PLB1: variants seen among roughly 807,000 people sequenced by gnomAD.
The protein encoded by PLB1 is phospholipase B1, also known as phospholipase B1, membrane-associated.
A neutral mutation model predicts 227.4 loss-of-function variants in PLB1; 242 were observed. The observed-to-expected ratio is 1.06, with a 90% CI of 0.96 to 1.18. The LOEUF (loss-of-function observed/expected upper bound fraction) is 1.18. PLB1 is among the 50% of genes most tolerant of loss of function. PLB1 has a pLI of 0.00. For synonymous variants in PLB1, 757 were observed against 682.2 expected, an observed-to-expected ratio of 1.11 and a Z score of -1.71; for missense variants, 1,858 against 1,816.3, an observed-to-expected ratio of 1.02 and a Z score of -0.42.
chr2:28,601,206 C>A, intron 36 of PLB1, 46 bp from the exon 37 acceptor site: 3 of 1,496,150 alleles, frequency 2.0e-6, no homozygotes, highest in Non-Finnish European at 2.8e-6. Flanking sequence ...GGGATATTTT[C>A]ATTTCCTTGT....
intron 38 of PLB1, 87 bp downstream of exon 38, chr2:28,602,051 C>G: frequency 7.7e-7 from 1 of 1,298,126 alleles, no homozygotes; most frequent in South Asian, 1.2e-5. Context: ...AGAAGAACCC[C>G]TTTCTCTCAA....
At chr2:28,537,658 CA>C (rs771254945) in intron 9 of PLB1, among the ~76,000 whole-genome samples, 17,069 of 56,394 alleles carry the variant, frequency 0.3, 627 homozygotes, top group East Asian at 0.45. Flanking sequence ...GACTCCATCT[CA>C]AAAAAAAAAA....
chr2:28,560,571 A>T (rs1675897630), intron 17 of PLB1, among the ~76,000 whole-genome samples: 1 of 152,146 alleles, frequency 6.6e-6, no homozygotes, highest in Admixed American at 6.5e-5. Flanking sequence ...GCTTGAGCCC[A>T]GGAGGCCGAG....
At chr2:28,567,267 G>T (rs1677123413) in intron 20 of PLB1, among the ~76,000 whole-genome samples, 1 of 152,144 alleles carries the variant, frequency 6.6e-6, no homozygotes, top group Non-Finnish European at 1.5e-5. Context: ...GATCACCCCC[G>T]CGAGAGGCAT....
Position 28,497,910 on chromosome 2 carries a change from G to GA in PLB1, c.55+1741_55+1742insA, listed in dbSNP as rs777927503. 5.9e-3 allele frequency among the ~76,000 whole-genome samples: 879 copies of GA among 148,946 alleles called. 5 individuals carry two copies. The highest frequency in any genetic ancestry group is 7.3e-3 in the Non-Finnish European group (485 of 66,352). On this transcript the variant is annotated intron_variant, in intron 1 of 57. Transcript: ENST00000327757. ...ATTTTTGTATTTTTAGTAGAGACAG[G>GA]GTTTCACCATGTTGGCCAGGCTGGT... is the stretch of plus-strand genomic sequence containing the variant.
chr2:28,500,163 CAG>C (rs762506430), intron 1 of PLB1, among the ~76,000 whole-genome samples: 81 of 152,174 alleles, frequency 5.3e-4, no homozygotes, highest in Admixed American at 1.6e-3. Flanking sequence ...TTAGATTTAT[CAG>C]AGACCACACG....
At chr2:28,609,367 T>C (rs1020387803) in intron 43 of PLB1, among the ~76,000 whole-genome samples, 15 of 152,140 alleles carry the variant, frequency 9.9e-5, no homozygotes, top group Admixed American at 9.8e-4. Flanking sequence ...CCTCTATTTC[T>C]GACCTTTAAA....
rs1042252128 is a variant in PLB1 at position 28,541,785 on chromosome 2, T to G, written c.853T>G (p.Tyr285Asp). The G allele has an allele frequency of 1.2e-6, 2 of 1,613,554 alleles. No individual in the cohort carries two copies. Among genetic ancestry groups the G allele is most frequent in the African/African-American group, 1.3e-5 (1 of 74,840 alleles). The change falls in exon 13 of 58, where the codon TAT (tyrosine) becomes GAT (aspartate). Residue 285 changes from tyrosine to aspartate, a missense_variant. Tyr to Asp is a radical substitution (Grantham distance 160, BLOSUM62 -3). Coordinates refer to ENST00000327757, the MANE Select transcript of PLB1 (RefSeq NM_153021.5). ...CACCGTGGTTTTCCAGCCTTTCTTC[T>G]ATGAGACCACCCCATCTCTACACTC... is the stretch of plus-strand genomic sequence containing the variant. Reference protein sequence around the residue: ...SFTVVFQPFFYETTPSLHSED... With the variant: ...SFTVVFQPFFDETTPSLHSED...
chr2:28,529,165 A>C (rs1360516045), intron 6 of PLB1, 152 bp from the exon 7 acceptor site: 5 of 608,726 alleles, frequency 8.2e-6, no homozygotes, highest in Non-Finnish European at 1.2e-5. Context: ...GCCTGGTCTC[A>C]AACTCTTGGG....
intron 20 of PLB1, among the ~76,000 whole-genome samples, chr2:28,569,962 T>C (rs1573041528): frequency 1.4e-5 from 1 of 73,572 alleles, no homozygotes; most frequent in Admixed American, 2.0e-4. Flanking sequence ...CGAGACTCCA[T>C]CTCAAAAAAA....
rs142737802 is a variant in PLB1, at chr2:28,500,816, G to A, written c.55+4647G>A. Among the ~76,000 whole-genome samples the A allele has an allele frequency of 1.5e-4, 23 of 152,242 alleles. No homozygotes were observed. The East Asian group carries it at 4.4e-3, about 29-fold the overall frequency. On this transcript the variant is annotated intron_variant, in intron 1 of 57. Transcript: ENST00000327757. Reference sequence around the variant, plus strand: ...TATTAATCTGTGTGTTGTAATCCAGGCCTGTTATTTTTCATTTTGATGCCA... The same window carrying A: ...TATTAATCTGTGTGTTGTAATCCAGACCTGTTATTTTTCATTTTGATGCCA...
chr2:28,592,721 T>C lies in PLB1; in HGVS notation c.2247+2T>C, dbSNP rs150481495. ...GCTGCTCTGGGGGATTCTCTGACCGTAAGGACTCTTGGGCCCCAGGTGGTT... is the reference window on the plus strand; with the variant it reads ...GCTGCTCTGGGGGATTCTCTGACCGCAAGGACTCTTGGGCCCCAGGTGGTT... On this transcript the variant is annotated splice_donor_variant, in intron 32 of 57. Coordinates refer to ENST00000327757, the MANE Select transcript of PLB1 (RefSeq NM_153021.5). LOFTEE classifies it high-confidence loss of function. 22 of 1,613,834 alleles carry C rather than the reference T, an allele frequency of 1.4e-5. No homozygotes were observed. Among genetic ancestry groups the C allele is most frequent in the Non-Finnish European group, 1.8e-5 (21 of 1,179,906 alleles).
intron 17 of PLB1, among the ~76,000 whole-genome samples, chr2:28,554,489 C>CTTTTTTTTT (rs536476788): frequency 0.039 from 3,272 of 84,844 alleles, 356 homozygotes; most frequent in Non-Finnish European, 0.055. Context: ...CCACACCTGC[C>CTTTTTTTTT]TTTTTTTTTT....
intron 56 of PLB1, among the ~76,000 whole-genome samples, chr2:28,640,285 G>A (rs560156058): frequency 6.6e-5 from 10 of 152,270 alleles, no homozygotes; most frequent in Middle Eastern, 3.4e-3. Flanking sequence ...AAAAGGTGCC[G>A]GGGAGGGGGA....
At chr2:28,530,693 A>G (rs912621342) in intron 8 of PLB1, among the ~76,000 whole-genome samples, 1 of 152,264 alleles carries the variant, frequency 6.6e-6, no homozygotes, top group African/African-American at 2.4e-5. Context: ...AAGCCTTGCT[A>G]GCAAACTGTA....
chr2:28,578,119 C>A lies in PLB1; in HGVS notation c.1446C>A (p.Val482=), dbSNP rs149442978. ...VAGGRAEDLP[V]QARRLVDLMK... The stretch of plus-strand genomic sequence containing the variant: ...TATGTTTCCACAGGGATCTACCTGT[C>A]CAGGCCAGGAGGCTGGTGGACCTGA... The change falls in exon 22 of 58, where the codon GTC becomes GTA. Residue 482 remains valine, a synonymous_variant. Coordinates refer to ENST00000327757, the MANE Select transcript of PLB1 (RefSeq NM_153021.5). 34 of 1,614,144 alleles carry A rather than the reference C, an allele frequency of 2.1e-5. No individual in the cohort carries two copies. Among genetic ancestry groups the A allele is most frequent in the Middle Eastern group, 1.6e-4 (1 of 6,062 alleles).
chr2:28,574,778 C>T (rs922874629), intron 21 of PLB1, among the ~76,000 whole-genome samples: 2 of 152,126 alleles, frequency 1.3e-5, no homozygotes, highest in African/African-American at 4.8e-5. Flanking sequence ...TGTGATTTTC[C>T]ATTCCTGAGT....
chr2:28,520,627 G>A (rs892461569), intron 4 of PLB1, among the ~76,000 whole-genome samples: 2 of 152,046 alleles, frequency 1.3e-5, no homozygotes, highest in Non-Finnish European at 2.9e-5. Context: ...ACAGCCCCTG[G>A]CAACTACCAT....
chr2:28,509,782 G>A (rs922257541), intron 1 of PLB1, among the ~76,000 whole-genome samples: 4 of 152,146 alleles, frequency 2.6e-5, no homozygotes, highest in African/African-American at 9.7e-5. Flanking sequence ...AGTTCCCTTG[G>A]GATTCCATGA....
Sources: allele counts gnomAD v4.1 joint callset (sites outside exome capture counted in the v4.1 genomes callset), GRCh38; gene constraint gnomAD v4.1.1; transcripts MANE v1.5; gene names NCBI Gene and HGNC (gene_info 2026-07-23, HGNC 2026-07-21).